The following PID1 variants were observed in gnomAD, a reference collection of about 807,000 sequenced individuals.
PID1 encodes PTB-containing, cubilin and LRP1-interacting protein.
A neutral mutation model predicts 19.1 loss-of-function variants in PID1; 10 were observed. The observed-to-expected ratio is 0.52, with a 90% CI of 0.32 to 0.89. The LOEUF (loss-of-function observed/expected upper bound fraction) is 0.89. PID1 is among the 40% of genes least tolerant of loss of function. The pLI, the probability that PID1 is intolerant of heterozygous loss-of-function variation, is 0.03. For missense variants in PID1, 248 were observed against 285.3 expected (o/e 0.87, Z 0.94); for synonymous variants, 130 against 116.0 (o/e 1.12, Z -0.78).
chr2:229,208,960 G>A (rs1001118081), intron 1 of PID1, among the ~76,000 whole-genome samples: 4 of 152,140 alleles, frequency 2.6e-5, no homozygotes, highest in Non-Finnish European at 4.4e-5. Context: ...TAAGAGTGGG[G>A]GGTGACAGGA....
chr2:229,203,386 A>T (rs1691539565), intron 1 of PID1, among the ~76,000 whole-genome samples: 1 of 152,034 alleles, frequency 6.6e-6, no homozygotes, highest in Admixed American at 6.6e-5. Context: ...GAAAACTGCA[A>T]CTTTAAGCGA....
chr2:229,070,703 G>A lies in PID1; in HGVS notation c.178-44595C>T, dbSNP rs576174558. 2.6e-5 allele frequency among the ~76,000 whole-genome samples: 4 copies of A among 152,230 alleles called. No individual in the cohort carries two copies. In the South Asian group the frequency reaches 8.3e-4, roughly 32 times the overall value. ...TGGGGGAGCAGGAGAGGCATCAAAA[G>A]CAGCTACAGAAGTGGCTTGAGAGCA... On this transcript the variant is annotated intron_variant, in intron 2 of 2. Transcript: ENST00000392055.
rs368488186 is a variant in PID1, at chr2:229,129,193, G to A, written c.177+26625C>T. 1.4e-4 allele frequency among the ~76,000 whole-genome samples: 22 copies of A among 152,264 alleles called. No individual in the cohort carries two copies. In the South Asian group the frequency reaches 3.5e-3, roughly 24 times the overall value. ...TCCAAAGCCTACCACACTTGTGCTA[G>A]TTTCCCACCAGGCTGTGATGCCTCC... On this transcript the variant is annotated intron_variant, in intron 2 of 2. Transcript: ENST00000392055.
intron 1 of PID1, among the ~76,000 whole-genome samples, chr2:229,265,808 T>C (rs543844887): frequency 6.6e-6 from 1 of 152,292 alleles, no homozygotes; most frequent in African/African-American, 2.4e-5. Flanking sequence ...CTAATTTTCA[T>C]GGTAGAATGG....
chr2:229,238,436 A>G (rs926253765), intron 1 of PID1, among the ~76,000 whole-genome samples: 4 of 152,204 alleles, frequency 2.6e-5, no homozygotes, highest in Non-Finnish European at 5.9e-5. Flanking sequence ...CTACTTCCAG[A>G]AAGAGAGAAA....
intron 2 of PID1, among the ~76,000 whole-genome samples, chr2:229,153,601 G>A (rs1315298095): frequency 6.6e-6 from 1 of 151,484 alleles, no homozygotes; most frequent in Non-Finnish European, 1.5e-5. Flanking sequence ...TTTTTTCAAC[G>A]TCCTTTTAAA....
intron 2 of PID1, among the ~76,000 whole-genome samples, chr2:229,059,474 C>T (rs968961550): frequency 1.3e-5 from 2 of 152,172 alleles, no homozygotes; most frequent in Admixed American, 1.3e-4. Context: ...TCATTATCAA[C>T]TCCATTAAAC....
intron 2 of PID1, among the ~76,000 whole-genome samples, chr2:229,086,910 T>TACAC (rs3083831): frequency 0.39 from 58,886 of 149,946 alleles, 11,445 homozygotes; most frequent in Middle Eastern, 0.46. Flanking sequence ...CACACGTGTG[T>TACAC]ACACACACAC....
At chr2:229,233,756 T>C (rs1411975643) in intron 1 of PID1, among the ~76,000 whole-genome samples, 1 of 152,204 alleles carries the variant, frequency 6.6e-6, no homozygotes, top group Non-Finnish European at 1.5e-5. Flanking sequence ...CCTCCCAAAG[T>C]TCTGGGATTA....
At chr2:229,056,493 A>T (rs907974149) in intron 2 of PID1, among the ~76,000 whole-genome samples, 1 of 152,158 alleles carries the variant, frequency 6.6e-6, no homozygotes, top group Non-Finnish European at 1.5e-5. Context: ...AAACCCTAAC[A>T]TGCTAAATGT....
intron 1 of PID1, chr2:229,232,162 G>A (rs1291601954): frequency 1.3e-5 from 19 of 1,426,938 alleles, no homozygotes; most frequent in East Asian, 1.3e-4. Flanking sequence ...AGTGGCTCAC[G>A]CCTGTAATCC....
intron 1 of PID1, among the ~76,000 whole-genome samples, chr2:229,222,133 CT>C (rs922556212): frequency 1.3e-5 from 2 of 152,160 alleles, no homozygotes; most frequent in Non-Finnish European, 2.9e-5. Flanking sequence ...AAAGTTCAAA[CT>C]CTTTAGGATG....
intron 2 of PID1, among the ~76,000 whole-genome samples, chr2:229,122,957 A>G (rs1695552471): frequency 6.6e-6 from 1 of 152,182 alleles, no homozygotes; most frequent in Non-Finnish European, 1.5e-5. Context: ...ATGTTTCGGT[A>G]CTGGAGCTGA....
intron 1 of PID1, among the ~76,000 whole-genome samples, chr2:229,186,632 T>G (rs968372228): frequency 6.6e-6 from 1 of 152,024 alleles, no homozygotes; most frequent in Non-Finnish European, 1.5e-5. Context: ...ACAGTGACCC[T>G]GGGCCCAAGC....
At chr2:229,177,699 C>T (rs1302587554) in intron 1 of PID1, among the ~76,000 whole-genome samples, 2 of 152,142 alleles carry the variant, frequency 1.3e-5, no homozygotes, top group African/African-American at 4.8e-5. Context: ...ACTAGGGGAA[C>T]AACTATCCAG....
intron 1 of PID1, among the ~76,000 whole-genome samples, chr2:229,172,263 C>T (rs568502942): frequency 2.0e-5 from 3 of 152,290 alleles, no homozygotes; most frequent in South Asian, 2.1e-4. Flanking sequence ...GGAGGGAATG[C>T]ACAGGCAAGT....
At chr2:229,066,973 T>C (rs974148288) in intron 2 of PID1, among the ~76,000 whole-genome samples, 3 of 152,142 alleles carry the variant, frequency 2.0e-5, no homozygotes, top group Non-Finnish European at 4.4e-5. Flanking sequence ...CTCACACTGC[T>C]ATGAAAAAAC....
intron 1 of PID1, among the ~76,000 whole-genome samples, chr2:229,176,170 AAAC>A (rs1447229248): frequency 1.3e-5 from 2 of 152,064 alleles, no homozygotes; most frequent in South Asian, 2.1e-4. Context: ...AAAAAAAAAA[AAAC>A]AAAACAAAAC....
At chr2:229,180,487 G>A (rs927151184) in intron 1 of PID1, among the ~76,000 whole-genome samples, 2 of 152,164 alleles carry the variant, frequency 1.3e-5, no homozygotes, top group African/African-American at 4.8e-5. Flanking sequence ...CAGCATGGTA[G>A]TTCTCAAAGT....
Sources: gnomAD v4.1 joint callset for allele counts (sites outside exome capture counted in the v4.1 genomes callset) on GRCh38, gnomAD v4.1.1 for gene constraint, MANE v1.5 for transcripts, NCBI Gene and HGNC (gene_info 2026-07-23, HGNC 2026-07-21) for gene names.